The following ZGPAT variants were observed in gnomAD, a reference collection of about 807,000 sequenced individuals.
The protein encoded by ZGPAT is zinc finger CCCH-type with G patch domain-containing protein.
A neutral mutation model predicts 47.9 loss-of-function variants in ZGPAT; 39 were observed. The ratio of observed to expected loss-of-function variants is 0.81; its 90% CI spans 0.63 to 1.06. ZGPAT has a LOEUF of 1.06. Ranked by LOEUF, ZGPAT falls within the 50% of genes least tolerant of loss-of-function variation. The pLI, the probability that ZGPAT is intolerant of heterozygous loss-of-function variation, is 0.00. For synonymous variants in ZGPAT, 348 were observed against 292.9 expected, an observed-to-expected ratio of 1.19 and a Z score of -1.92; for missense variants, 717 against 681.4, an observed-to-expected ratio of 1.05 and a Z score of -0.58.
At chr20:63,716,070 C>T (rs371986666) in intron 2 of ZGPAT, among the ~76,000 whole-genome samples, 2 of 152,210 alleles carry the variant, frequency 1.3e-5, no homozygotes, top group East Asian at 1.9e-4. Flanking sequence ...CGCTCTGTCG[C>T]CCAGGCTGGA....
At position 63,734,726 on chromosome 20, in the gene ZGPAT, A is replaced by G. The variant is rs760308422; in HGVS notation, c.893A>G (p.Asp298Gly). The change falls in exon 5 of 7, where the codon GAC becomes GGC. Residue 298 changes from aspartate (D) to glycine (G), a missense_variant. Transcript: ENST00000355969. ...GCAGTGGTGGGGTCAGATGCTGTGG[A>G]CTCTGGGACCTGCAGCTCTGCCTTT... ...YARVVGSDAV[D>G]SGTCSSAFAG... 1.2e-6 allele frequency: 2 copies of G among 1,613,722 alleles called. No individual in the cohort carries two copies. The highest frequency in any genetic ancestry group is 4.5e-5 in the East Asian group (2 of 44,870).
At chr20:63,713,542 C>A (rs1224533607) in intron 2 of ZGPAT, among the ~76,000 whole-genome samples, 3 of 148,990 alleles carry the variant, frequency 2.0e-5, no homozygotes, top group African/African-American at 7.4e-5. Context: ...GAGTTGTTTT[C>A]CTTAGTTACA....
At chr20:63,709,389 G>A (rs1313167660) in intron 2 of ZGPAT, among the ~76,000 whole-genome samples, 2 of 152,154 alleles carry the variant, frequency 1.3e-5, no homozygotes, top group Non-Finnish European at 2.9e-5. Flanking sequence ...TGTAATCCCA[G>A]CACTTTAGGA....
intron 2 of ZGPAT, among the ~76,000 whole-genome samples, chr20:63,726,907 C>G (rs1036759531): frequency 6.6e-6 from 1 of 152,132 alleles, no homozygotes; most frequent in Non-Finnish European, 1.5e-5. Context: ...TACTCCAGAC[C>G]CCCACACATG....
At chr20:63,733,081 T>C (rs1259416430) in intron 2 of ZGPAT, 138 bp from the exon 3 acceptor site, 2 of 1,101,726 alleles carry the variant, frequency 1.8e-6, no homozygotes, top group Non-Finnish European at 2.6e-6. Context: ...CGTGAGTGTG[T>C]GAGAGTGTGT....
At chr20:63,711,028 CTTT>C (rs34657783) in intron 2 of ZGPAT, among the ~76,000 whole-genome samples, 15 of 139,776 alleles carry the variant, frequency 1.1e-4, no homozygotes, top group Admixed American at 2.9e-4. Flanking sequence ...GAATGTCTTC[CTTT>C]TTTTTTTTTT....
At chr20:63,731,221 A>G (rs2091897596) in intron 2 of ZGPAT, among the ~76,000 whole-genome samples, 1 of 152,112 alleles carries the variant, frequency 6.6e-6, no homozygotes, top group South Asian at 2.1e-4. Flanking sequence ...GATGGGACAC[A>G]CGGGGCATAT....
chr20:63,718,896 C>G (rs1380265070), intron 2 of ZGPAT, among the ~76,000 whole-genome samples: 1 of 136,904 alleles, frequency 7.3e-6, no homozygotes, highest in East Asian at 1.9e-4. Context: ...GAAACCCTGT[C>G]TCTACTAAAA....
At chr20:63,720,444 C>T (rs923046232) in intron 2 of ZGPAT, among the ~76,000 whole-genome samples, 16 of 151,956 alleles carry the variant, frequency 1.1e-4, no homozygotes, top group East Asian at 1.9e-4. Flanking sequence ...TGTGAGCCAC[C>T]GCGCCCAGCC....
chr20:63,727,700 A>C (rs980383859), intron 2 of ZGPAT, among the ~76,000 whole-genome samples: 1 of 148,530 alleles, frequency 6.7e-6, no homozygotes, highest in South Asian at 2.1e-4. Context: ...AGGATTCTCT[A>C]TTTCCTGAAT....
rs1601356166 is a variant in ZGPAT, at chr20:63,735,775, C to T, written c.1398-6C>T. 1 of 1,593,276 alleles carries T rather than the reference C, an allele frequency of 6.3e-7. No homozygotes were observed. The highest frequency in any genetic ancestry group is 1.8e-5 in the Admixed American group (1 of 56,326). ...ACCCCACGCTGACTAGTGAGCCCCT[C>T]CGCAGGCATAGCGTGGCGTCAGCCC... On this transcript the variant is annotated splice_polypyrimidine_tract_variant and splice_region_variant and intron_variant, in intron 6 of 6. Coordinates refer to ENST00000355969, the MANE Select transcript of ZGPAT (RefSeq NM_181485.3).
At chr20:63,732,414 G>GTGTGGGTGAGGGCCTGTGTGTGCGTGTA (rs2145695509) in intron 2 of ZGPAT, among the ~76,000 whole-genome samples, 1 of 124,908 alleles carries the variant, frequency 8.0e-6, no homozygotes, top group East Asian at 2.2e-4. Flanking sequence ...GTGTGCGTGT[G>GTGTGGGTGAGGGCCTGTGTGTGCGTGTA]TGTGGGTGAG....
intron 2 of ZGPAT, among the ~76,000 whole-genome samples, chr20:63,710,389 T>C (rs1261357220): frequency 6.6e-6 from 1 of 151,768 alleles, no homozygotes; most frequent in East Asian, 1.9e-4. Context: ...CCTGACCTCG[T>C]GATCCACCCA....
intron 2 of ZGPAT, among the ~76,000 whole-genome samples, chr20:63,714,807 T>C (rs1269196297): frequency 1.3e-5 from 2 of 151,734 alleles, no homozygotes; most frequent in Non-Finnish European, 2.9e-5. Context: ...CATGCCCAGC[T>C]AATTTTTTAA....
chr20:63,715,309 G>T (rs543171289), intron 2 of ZGPAT, among the ~76,000 whole-genome samples: 1 of 147,562 alleles, frequency 6.8e-6, no homozygotes, highest in Non-Finnish European at 1.5e-5. Flanking sequence ...GCGCGATCTC[G>T]GCTCACTGCA....
At chr20:63,728,481 C>T (rs959473330) in intron 2 of ZGPAT, among the ~76,000 whole-genome samples, 1 of 152,216 alleles carries the variant, frequency 6.6e-6, no homozygotes, top group Non-Finnish European at 1.5e-5. Flanking sequence ...TTTCAGAGCA[C>T]GTTGTGAGTT....
intron 2 of ZGPAT, among the ~76,000 whole-genome samples, chr20:63,727,025 T>C (rs191538107): frequency 3.3e-5 from 5 of 152,222 alleles, no homozygotes; most frequent in Admixed American, 2.0e-4. Context: ...GTCCATAGTT[T>C]ACATTAGGGC....
intron 2 of ZGPAT, among the ~76,000 whole-genome samples, chr20:63,728,392 T>C (rs569189866): frequency 1.3e-5 from 2 of 152,328 alleles, no homozygotes; most frequent in Non-Finnish European, 2.9e-5. Flanking sequence ...TTGCATATGG[T>C]AGTGGTCAGC....
intron 2 of ZGPAT, 104 bp from the exon 3 acceptor site, chr20:63,733,115 T>C: frequency 6.8e-7 from 1 of 1,473,484 alleles, no homozygotes; most frequent in Non-Finnish European, 9.2e-7. Flanking sequence ...CGTGTGTGTC[T>C]GTCTCCCTCA....
Sources: allele counts gnomAD v4.1 joint callset (sites outside exome capture counted in the v4.1 genomes callset), GRCh38; gene constraint gnomAD v4.1.1; transcripts MANE v1.5; gene names NCBI Gene and HGNC (gene_info 2026-07-23, HGNC 2026-07-21).